Variants in GNAL observed in about 807,000 individuals in gnomAD.
GNAL encodes G protein subunit alpha L, also known as guanine nucleotide-binding protein G(olf) subunit alpha.
In GNAL, 18 loss-of-function variants were observed where a neutral mutation model predicts 55.1. The observed-to-expected ratio is 0.33, with a 90% CI of 0.23 to 0.48. The LOEUF (loss-of-function observed/expected upper bound fraction) is 0.48, where lower values mean the gene tolerates loss of function less well. GNAL is among the 20% of genes least tolerant of loss of function. The pLI, the probability that GNAL is intolerant of heterozygous loss-of-function variation, is 0.99. For synonymous variants in GNAL, 253 were observed against 237.0 expected (o/e 1.07, Z -0.62); for missense variants, 412 against 614.1 (o/e 0.67, Z 3.48).
Position 11,694,878 on chromosome 18 carries a change from G to C in GNAL, c.376+4939G>C, listed in dbSNP as rs373408728. ...CCCTTCCTGGCTTGCAAACGGCCAC[G>C]TTCTCACAGTATCCTCACATGGCCT... On this transcript the variant is annotated intron_variant, in intron 1 of 11. Coordinates refer to ENST00000334049, the MANE Select transcript of GNAL (RefSeq NM_182978.4). Among the ~76,000 whole-genome samples, 426 of 152,262 alleles carry C rather than the reference G, an allele frequency of 2.8e-3. 2 individuals carry two copies. The highest frequency in any genetic ancestry group is 9.9e-3 in the African/African-American group (412 of 41,550).
At chr18:11,710,742 T>C (rs1325534653) in intron 1 of GNAL, among the ~76,000 whole-genome samples, 3 of 152,196 alleles carry the variant, frequency 2.0e-5, no homozygotes, top group Non-Finnish European at 4.4e-5. Flanking sequence ...ACCTGAAAGA[T>C]TTTTGCTAAG....
At position 11,718,042 on chromosome 18, in the gene GNAL, G is replaced by A. The variant is rs2032015069; in HGVS notation, c.376+28103G>A. On this transcript the variant is annotated intron_variant, in intron 1 of 11. Coordinates refer to ENST00000334049, the MANE Select transcript of GNAL (RefSeq NM_182978.4). ...ATCTTCATATTACATGACAGTGTTA[G>A]AAGATAATCTAATTTACTACTAAGA... 2.0e-5 allele frequency among the ~76,000 whole-genome samples: 3 copies of A among 152,218 alleles called. No homozygotes were observed. In the South Asian group the frequency reaches 6.2e-4, roughly 32 times the overall value.
intron 7 of GNAL, among the ~76,000 whole-genome samples, 154 bp from the exon 8 acceptor site, chr18:11,867,014 C>T (rs1227484732): frequency 6.6e-6 from 1 of 152,130 alleles, no homozygotes; most frequent in African/African-American, 2.4e-5. Flanking sequence ...TCCAGGATCA[C>T]ACAGGGAGTG....
intron 4 of GNAL, among the ~76,000 whole-genome samples, chr18:11,776,318 T>A (rs890705756): frequency 6.6e-6 from 1 of 152,206 alleles, no homozygotes; most frequent in Non-Finnish European, 1.5e-5. Context: ...CTTCAGAAGT[T>A]TTTTTAATAT....
At chr18:11,730,041 C>T (rs370746411) in intron 1 of GNAL, among the ~76,000 whole-genome samples, 2,692 of 147,682 alleles carry the variant, frequency 0.018, 87 homozygotes, top group African/African-American at 0.065. Flanking sequence ...CTTTTCTTTT[C>T]TTTTTTTTTT....
chr18:11,724,162 T>C (rs8083369), intron 1 of GNAL, among the ~76,000 whole-genome samples: 1,978 of 152,208 alleles, frequency 0.013, 38 homozygotes, highest in African/African-American at 0.045. Context: ...GGGAAACTTA[T>C]AAAGAAAAGA....
chr18:11,836,278 C>T (rs2143708447), intron 5 of GNAL, among the ~76,000 whole-genome samples: 1 of 152,076 alleles, frequency 6.6e-6, no homozygotes, highest in East Asian at 1.9e-4. Context: ...GAAACCCTGT[C>T]TCTATTAAAA....
intron 5 of GNAL, among the ~76,000 whole-genome samples, chr18:11,837,676 A>G (rs374411091): frequency 1.3e-5 from 2 of 152,226 alleles, no homozygotes; most frequent in East Asian, 3.8e-4. Flanking sequence ...GGAATGTAAA[A>G]TAGTCCAGCC....
intron 1 of GNAL, among the ~76,000 whole-genome samples, chr18:11,727,786 A>G (rs1216380433): frequency 2.6e-5 from 4 of 152,176 alleles, no homozygotes; most frequent in Non-Finnish European, 4.4e-5. Flanking sequence ...ATACAAAATT[A>G]TTTGTCAGGA....
At chr18:11,845,163 C>T (rs368248394) in intron 5 of GNAL, among the ~76,000 whole-genome samples, 197 of 152,264 alleles carry the variant, frequency 1.3e-3, no homozygotes, top group African/African-American at 4.6e-3. Flanking sequence ...CACGCCCAGC[C>T]TCGCTATTTT....
chr18:11,828,877 A>G (rs1186783662), intron 5 of GNAL, among the ~76,000 whole-genome samples: 1 of 152,202 alleles, frequency 6.6e-6, no homozygotes, highest in Non-Finnish European at 1.5e-5. Context: ...ATCTATTCTC[A>G]TATGGTTGTG....
chr18:11,814,835 T>A (rs957707710), intron 4 of GNAL, among the ~76,000 whole-genome samples: 1 of 151,064 alleles, frequency 6.6e-6, no homozygotes, highest in African/African-American at 2.4e-5. Flanking sequence ...GAAACAGAGG[T>A]TTCAGTGAAC....
intron 1 of GNAL, 44 bp downstream of exon 1, chr18:11,689,983 CGCCGGGCCCGCGGGGGCGGCGG>C: frequency 2.6e-6 from 3 of 1,149,302 alleles, no homozygotes; most frequent in Non-Finnish European, 3.3e-6. Flanking sequence ...GGGGACAGCG[CGCCGGGCCCGCGGGGGCGGCGG>C]GCACCGGGGA....
In GNAL at chr18:11,722,529, G is replaced by T. The variant is rs530371763; in HGVS notation, c.377-30324G>T. 7.9e-5 allele frequency among the ~76,000 whole-genome samples: 12 copies of T among 152,296 alleles called. No homozygotes were observed. The East Asian group carries it at 1.5e-3, about 20-fold the overall frequency. On this transcript the variant is annotated intron_variant, in intron 1 of 11. Coordinates refer to ENST00000334049, the MANE Select transcript of GNAL (RefSeq NM_182978.4). ...GTACCATAAAGATGGGAGGCTCTAAGTCCACTTGTTGTTTCTTGCTTTGAC... is the reference window on the plus strand; with the variant it reads ...GTACCATAAAGATGGGAGGCTCTAATTCCACTTGTTGTTTCTTGCTTTGAC...
In GNAL at chr18:11,885,535, G is replaced by A. The variant is rs1054802144; in HGVS notation, c.*4400G>A. 5.1e-5 allele frequency: 50 copies of A among 978,860 alleles called. No individual in the cohort carries two copies. Among genetic ancestry groups the A allele is most frequent in the Non-Finnish European group, 7.0e-5 (46 of 655,918 alleles). The allele number at this position is 978,860 out of a possible 1,614,324, so 60.6% of individuals were successfully genotyped here. A position where few individuals can be genotyped will look rare whatever the true frequency, so the allele number is the denominator to read the frequency against. On this transcript the variant is annotated 3_prime_UTR_variant, in exon 12 of 12. Transcript: ENST00000334049. The stretch of plus-strand genomic sequence containing the variant: ...GGAAGGGTGTTTGGCAAGGGGCAGT[G>A]TATGGAGCTACGTGTAGAAGGAGAG...
At chr18:11,817,560 C>A (rs1231178592) in intron 4 of GNAL, among the ~76,000 whole-genome samples, 1 of 152,128 alleles carries the variant, frequency 6.6e-6, no homozygotes, top group Non-Finnish European at 1.5e-5. Context: ...TCAGGAACTG[C>A]AAAGGCTTTT....
intron 5 of GNAL, among the ~76,000 whole-genome samples, chr18:11,828,330 G>C (rs2143670356): frequency 6.6e-6 from 1 of 152,062 alleles, no homozygotes; most frequent in Middle Eastern, 3.4e-3. Context: ...CTTGAGCCCA[G>C]GAGTTGGAGG....
intron 5 of GNAL, among the ~76,000 whole-genome samples, chr18:11,847,691 C>A (rs528109580): frequency 4.6e-5 from 7 of 152,028 alleles, no homozygotes; most frequent in African/African-American, 1.7e-4. Flanking sequence ...TCAATGTTAA[C>A]GTGGTAGTTG....
In GNAL at chr18:11,751,955, T is replaced by A. The variant is rs906012713; in HGVS notation, c.377-898T>A. Among the ~76,000 whole-genome samples the A allele has an allele frequency of 6.6e-6, 1 of 152,108 alleles. No homozygotes were observed. The highest frequency in any genetic ancestry group is 1.5e-5 in the Non-Finnish European group (1 of 68,004). On this transcript the variant is annotated intron_variant, in intron 1 of 11. Transcript: ENST00000334049. The surrounding 1 kb of genome is among the most constrained non-coding windows in gnomAD (Gnocchi z 4.5). Reference sequence around the variant, plus strand: ...TCTGGGACCCCGGTGGCGCGCTCTGTCCTCCGCGCCACGCTCAGCCACCAC... The same window carrying A: ...TCTGGGACCCCGGTGGCGCGCTCTGACCTCCGCGCCACGCTCAGCCACCAC...
Sources: gnomAD v4.1 joint callset for allele counts (sites outside exome capture counted in the v4.1 genomes callset) on GRCh38, gnomAD v4.1.1 for gene constraint, Gnocchi (gnomAD v3.1) non-coding constraint, MANE v1.5 for transcripts, NCBI Gene and HGNC (gene_info 2026-07-23, HGNC 2026-07-21) for gene names.